The following KCNB2 variants were observed in gnomAD, a reference collection of about 807,000 sequenced individuals.
KCNB2 encodes the protein potassium voltage-gated channel subfamily B member 2, also known as delayed rectifier potassium channel protein.
Under a neutral mutation model 61.5 loss-of-function variants are expected in KCNB2, and 15 were observed. The ratio of observed to expected loss-of-function variants is 0.24; its 90% CI spans 0.16 to 0.38. The LOEUF is 0.38. KCNB2 is among the 10% of genes least tolerant of loss of function. The probability of loss-of-function intolerance (pLI) is 1.00; values close to 1 mark genes in which losing one functional copy is unlikely to be tolerated. For missense variants in KCNB2, 828 were observed against 1,125.2 expected, an observed-to-expected ratio of 0.74 and a Z score of 3.78; for synonymous variants, 457 against 446.0, an observed-to-expected ratio of 1.02 and a Z score of -0.31.
At chr8:72,719,180 T>C (rs1161949860) in intron 2 of KCNB2, among the ~76,000 whole-genome samples, 1 of 152,152 alleles carries the variant, frequency 6.6e-6, no homozygotes, top group Admixed American at 6.6e-5. Context: ...TGGAATATTC[T>C]CTCTAATCAC....
intron 2 of KCNB2, among the ~76,000 whole-genome samples, chr8:72,608,147 C>T (rs1487203716): frequency 6.6e-6 from 1 of 152,124 alleles, no homozygotes; most frequent in African/African-American, 2.4e-5. Flanking sequence ...TGGGTGGCTC[C>T]TCCAGATCTT....
intron 2 of KCNB2, among the ~76,000 whole-genome samples, chr8:72,656,241 C>G: frequency 6.6e-6 from 1 of 151,996 alleles, no homozygotes; most frequent in East Asian, 1.9e-4. Context: ...AAGAAGTGTA[C>G]AAATCAAGGC....
chr8:72,622,854 C>T (rs960277428), intron 2 of KCNB2, among the ~76,000 whole-genome samples: 4 of 152,218 alleles, frequency 2.6e-5, no homozygotes, highest in South Asian at 2.1e-4. Flanking sequence ...AAGAAAGTCC[C>T]GTAGTAAAGC....
chr8:72,816,132 TAG>T (rs1020775825), intron 2 of KCNB2, among the ~76,000 whole-genome samples: 2 of 152,118 alleles, frequency 1.3e-5, no homozygotes, highest in Non-Finnish European at 2.9e-5. Context: ...GAAGCTGGGG[TAG>T]CATGGATCGT....
chr8:72,773,331 GTTTTT>G (rs908305586), intron 2 of KCNB2, among the ~76,000 whole-genome samples: 1 of 151,958 alleles, frequency 6.6e-6, no homozygotes, highest in Admixed American at 6.6e-5. Context: ...AACAGGTTGA[GTTTTT>G]TTTAAGGTGG....
At chr8:72,663,449 GCTAAGCT>G (rs1211407779) in intron 2 of KCNB2, among the ~76,000 whole-genome samples, 1 of 152,100 alleles carries the variant, frequency 6.6e-6, no homozygotes, top group Non-Finnish European at 1.5e-5. Flanking sequence ...ACACTGCTTC[GCTAAGCT>G]CTGATGTTTC....
At chr8:72,607,744 T>C (rs1805475809) in intron 2 of KCNB2, among the ~76,000 whole-genome samples, 1 of 152,212 alleles carries the variant, frequency 6.6e-6, no homozygotes, top group Admixed American at 6.5e-5. Flanking sequence ...AGAAAAAATT[T>C]TATTTGTTAT....
chr8:72,829,561 T>C (rs1299207745), intron 2 of KCNB2, among the ~76,000 whole-genome samples: 1 of 152,206 alleles, frequency 6.6e-6, no homozygotes, highest in Admixed American at 6.5e-5. Context: ...CACAGCTGTA[T>C]AAGGAGGATC....
At chr8:72,615,659 C>G (rs891936474) in intron 2 of KCNB2, among the ~76,000 whole-genome samples, 1 of 152,094 alleles carries the variant, frequency 6.6e-6, no homozygotes, top group Non-Finnish European at 1.5e-5. Flanking sequence ...TTACTAAGAG[C>G]GAATAATGTG....
chr8:72,792,554 T>C (rs1170805050), intron 2 of KCNB2, among the ~76,000 whole-genome samples: 1 of 152,234 alleles, frequency 6.6e-6, no homozygotes, highest in Non-Finnish European at 1.5e-5. Context: ...TTAAACTGGT[T>C]GCATGGTACT....
intron 2 of KCNB2, among the ~76,000 whole-genome samples, chr8:72,846,325 C>A (rs117799351): frequency 8.1e-4 from 123 of 152,260 alleles, no homozygotes; most frequent in Non-Finnish European, 1.5e-3. Context: ...AACACCTAGG[C>A]AACACCACCC....
At chr8:72,912,876 A>C (rs1218759724) in intron 2 of KCNB2, among the ~76,000 whole-genome samples, 2 of 152,188 alleles carry the variant, frequency 1.3e-5, no homozygotes, top group African/African-American at 4.8e-5. Flanking sequence ...TTTACGGGCA[A>C]GGGAATAAAT....
At chr8:72,875,348 G>A (rs1201173738) in intron 2 of KCNB2, 1 of 152,280 alleles carries the variant, frequency 6.6e-6, no homozygotes, top group East Asian at 1.9e-4. Flanking sequence ...GAACCACCTG[G>A]GAGCCATAGC....
At chr8:72,570,965 ATTCTC>A (rs1229986932) in intron 2 of KCNB2, among the ~76,000 whole-genome samples, 1 of 152,218 alleles carries the variant, frequency 6.6e-6, no homozygotes, top group African/African-American at 2.4e-5. Flanking sequence ...TTCTTAAAAT[ATTCTC>A]TTATCTTTAA....
At chr8:72,663,893 T>A (rs1806422636) in intron 2 of KCNB2, among the ~76,000 whole-genome samples, 1 of 152,204 alleles carries the variant, frequency 6.6e-6, no homozygotes, top group Non-Finnish European at 1.5e-5. Context: ...AACTGCAGTT[T>A]GTCTGTTTGT....
intron 2 of KCNB2, among the ~76,000 whole-genome samples, chr8:72,901,421 T>C (rs1016779742): frequency 6.6e-6 from 1 of 152,156 alleles, no homozygotes; most frequent in Non-Finnish European, 1.5e-5. Context: ...CTTTTGAAAA[T>C]ATAAAAAAGA....
intron 2 of KCNB2, among the ~76,000 whole-genome samples, chr8:72,715,852 A>C (rs1807428659): frequency 6.6e-6 from 1 of 152,200 alleles, no homozygotes; most frequent in Admixed American, 6.5e-5. Flanking sequence ...AAAACCTTTC[A>C]AAAAATCAAT....
intron 2 of KCNB2, among the ~76,000 whole-genome samples, chr8:72,840,140 TATG>T (rs1429485271): frequency 5.9e-5 from 9 of 152,096 alleles, no homozygotes; most frequent in Admixed American, 4.6e-4. Context: ...AACTCCCACT[TATG>T]AGTGAGAACA....
intron 2 of KCNB2, among the ~76,000 whole-genome samples, chr8:72,812,934 C>T (rs1036066073): frequency 1.1e-4 from 17 of 152,038 alleles, no homozygotes; most frequent in Non-Finnish European, 1.8e-4. Context: ...TTCTTCTGTG[C>T]CTTAGAGAAG....
Sources: allele counts gnomAD v4.1 joint callset (sites outside exome capture counted in the v4.1 genomes callset), GRCh38; gene constraint gnomAD v4.1.1; transcripts MANE v1.5; gene names NCBI Gene and HGNC (gene_info 2026-07-23, HGNC 2026-07-21).